FRMD4A: variants seen among roughly 807,000 people sequenced by gnomAD.
The protein encoded by FRMD4A is FERM domain containing 4A.
FRMD4A carries 29 observed loss-of-function variants against 129.1 expected under a neutral mutation model. That is an observed-to-expected ratio of 0.22 (90% CI 0.17 to 0.31). The LOEUF is 0.31. Ranked by LOEUF, FRMD4A falls within the 10% of genes least tolerant of loss-of-function variation. The pLI is 1.00. For synonymous variants in FRMD4A, 634 were observed against 571.6 expected (o/e 1.11, Z -1.56); for missense variants, 1,272 against 1,375.8 (o/e 0.92, Z 1.19).
intron 2 of FRMD4A, among the ~76,000 whole-genome samples, chr10:14,094,365 G>A (rs1239689825): frequency 1.3e-5 from 2 of 152,188 alleles, no homozygotes; most frequent in Admixed American, 6.5e-5. Flanking sequence ...GACCCCCTGG[G>A]GGACGATCAC....
At chr10:13,819,906 T>C (rs2093604259) in intron 3 of FRMD4A, among the ~76,000 whole-genome samples, 1 of 152,156 alleles carries the variant, frequency 6.6e-6, no homozygotes, top group Non-Finnish European at 1.5e-5. Context: ...GTGTTTTTAG[T>C]AGAGATGACG....
chr10:13,655,949 TTTTTTG>T (rs2082104873), intron 22 of FRMD4A: 1 of 152,160 alleles, frequency 6.6e-6, no homozygotes, highest in East Asian at 1.9e-4. Context: ...TCTTCCTTTT[TTTTTTG>T]TTTTTTACTT....
intron 3 of FRMD4A, among the ~76,000 whole-genome samples, chr10:13,849,895 C>G (rs145226497): frequency 6.6e-6 from 1 of 151,696 alleles, no homozygotes; most frequent in East Asian, 2.0e-4. Context: ...TTAGGCCGGG[C>G]GCAGTGGCTC....
chr10:13,730,664 A>G (rs2090256713), intron 12 of FRMD4A, among the ~76,000 whole-genome samples: 1 of 152,034 alleles, frequency 6.6e-6, no homozygotes, highest in Non-Finnish European at 1.5e-5. Flanking sequence ...ACATATGCAC[A>G]TGCTAAAATG....
intron 3 of FRMD4A, among the ~76,000 whole-genome samples, chr10:13,815,448 A>G (rs1216143548): frequency 2.0e-5 from 3 of 152,174 alleles, no homozygotes; most frequent in Non-Finnish European, 2.9e-5. Flanking sequence ...TCTGTACTGG[A>G]TGATGAAAAA....
At chr10:14,297,610 C>T (rs1351935425) in intron 2 of FRMD4A, among the ~76,000 whole-genome samples, 1 of 152,194 alleles carries the variant, frequency 6.6e-6, no homozygotes, top group Non-Finnish European at 1.5e-5. Context: ...CCTGACTGGA[C>T]CCCAGGCCTT....
At chr10:14,161,834 A>G (rs1327242220) in intron 2 of FRMD4A, among the ~76,000 whole-genome samples, 3 of 152,228 alleles carry the variant, frequency 2.0e-5, no homozygotes, top group Non-Finnish European at 4.4e-5. Flanking sequence ...AGAAATGATA[A>G]ATGTTCAAGG....
chr10:14,262,497 C>A (rs1443475232), intron 2 of FRMD4A, among the ~76,000 whole-genome samples: 1 of 152,146 alleles, frequency 6.6e-6, no homozygotes, highest in South Asian at 2.1e-4. Flanking sequence ...CACTGGAATG[C>A]AAGTATATAT....
intron 16 of FRMD4A, among the ~76,000 whole-genome samples, chr10:13,674,088 C>G (rs1320013277): frequency 6.6e-6 from 1 of 152,110 alleles, no homozygotes; most frequent in Non-Finnish European, 1.5e-5. Context: ...TTAAAAATGT[C>G]ATTAGGCTAA....
chr10:14,159,117 T>C (rs1271200219), intron 2 of FRMD4A, among the ~76,000 whole-genome samples: 3 of 152,168 alleles, frequency 2.0e-5, no homozygotes, highest in East Asian at 1.9e-4. Flanking sequence ...GTCCCAATTA[T>C]AGTACATTAA....
rs1204523645 is a variant in FRMD4A at position 14,008,152 on chromosome 10, T to C, written c.46-149240A>G. The C allele has an allele frequency of 2.4e-5, 29 of 1,205,746 alleles. No homozygotes were observed. The Admixed American group carries it at 3.0e-4, about 12-fold the overall frequency. 74.7% of individuals were successfully genotyped at this position (1,205,746 alleles called of 1,614,324 possible). On this transcript the variant is annotated intron_variant, in intron 2 of 24. Coordinates refer to ENST00000357447, the MANE Select transcript of FRMD4A (RefSeq NM_018027.5). ...GGAGCCACTGCAGCCTGAACCACCATGGTGTACAGCTGTGTGTGTGTGTGT... is the reference window on the plus strand; with the variant it reads ...GGAGCCACTGCAGCCTGAACCACCACGGTGTACAGCTGTGTGTGTGTGTGT...
intron 2 of FRMD4A, among the ~76,000 whole-genome samples, chr10:14,127,930 C>CTT (rs1163104938): frequency 3.2e-4 from 2 of 6,286 alleles, no homozygotes; most frequent in Admixed American, 3.4e-3. Flanking sequence ...TTCTTTCTTT[C>CTT]TTTCTTTCTT....
chr10:13,790,727 G>A lies in FRMD4A; in HGVS notation c.299+5769C>T, dbSNP rs1004450476. Among the ~76,000 whole-genome samples, 76 of 152,024 alleles carry A rather than the reference G, an allele frequency of 5.0e-4. 1 individual carries two copies. The highest frequency in any genetic ancestry group is 2.0e-4 in the Admixed American group (3 of 15,270). On this transcript the variant is annotated intron_variant, in intron 5 of 24. Coordinates refer to ENST00000357447, the MANE Select transcript of FRMD4A (RefSeq NM_018027.5). Reference sequence around the variant, plus strand: ...GGTACGATGGCACCAGAAGCTGGACGACCACAGAATGAGGAACGAGAGGCC... The same window carrying A: ...GGTACGATGGCACCAGAAGCTGGACAACCACAGAATGAGGAACGAGAGGCC...
Position 13,965,774 on chromosome 10 carries a change from C to T in FRMD4A, c.46-106862G>A, listed in dbSNP as rs568216233. ...ACAAGTTTTGATCAGCCATACCATG[C>T]GAAAGACAGACTTAGCTTTCTCTTC... On this transcript the variant is annotated intron_variant, in intron 2 of 24. Transcript: ENST00000357447. Among the ~76,000 whole-genome samples, 10 of 152,280 alleles carry T rather than the reference C, an allele frequency of 6.6e-5. 1 individual carries two copies. The highest frequency in any genetic ancestry group is 1.4e-4 in the African/African-American group (6 of 41,554).
chr10:14,105,935 C>A (rs779840617), intron 2 of FRMD4A, among the ~76,000 whole-genome samples: 1 of 152,110 alleles, frequency 6.6e-6, no homozygotes, highest in Non-Finnish European at 1.5e-5. Flanking sequence ...TCCTTCCACC[C>A]AGGGTTATAT....
chr10:14,284,144 T>C (rs1335802306), intron 2 of FRMD4A, among the ~76,000 whole-genome samples: 1 of 152,196 alleles, frequency 6.6e-6, no homozygotes, highest in Admixed American at 6.5e-5. Context: ...ACTTATGTAA[T>C]CAGTTCCGCA....
chr10:13,656,615 C>T, intron 22 of FRMD4A, 21 bp downstream of exon 22: 1 of 1,381,476 alleles, frequency 7.2e-7, no homozygotes, highest in Non-Finnish European at 9.4e-7. Flanking sequence ...TTCCCGCGTG[C>T]ACCTGGCCGC....
At chr10:13,801,412 C>T (rs1001686103) in intron 4 of FRMD4A, among the ~76,000 whole-genome samples, 1 of 152,244 alleles carries the variant, frequency 6.6e-6, no homozygotes, top group African/African-American at 2.4e-5. Flanking sequence ...CACTCCAATC[C>T]CATGAGGGGA....
At chr10:13,671,962 T>A (rs2083542727) in intron 16 of FRMD4A, among the ~76,000 whole-genome samples, 1 of 152,256 alleles carries the variant, frequency 6.6e-6, no homozygotes, top group Admixed American at 6.5e-5. Flanking sequence ...AGAAAGCTTT[T>A]GCGCAGGGCA....
Sources: gnomAD v4.1 joint callset for allele counts (sites outside exome capture counted in the v4.1 genomes callset) on GRCh38, gnomAD v4.1.1 for gene constraint, MANE v1.5 for transcripts, NCBI Gene and HGNC (gene_info 2026-07-23, HGNC 2026-07-21) for gene names.